Variants in GRIN2A observed in about 807,000 individuals in gnomAD.
GRIN2A encodes the protein glutamate ionotropic receptor NMDA type subunit 2A, also known as glutamate receptor ionotropic, NMDA 2A.
In GRIN2A, 22 loss-of-function variants were observed where a neutral mutation model predicts 113.4. The observed-to-expected ratio is 0.19, with a 90% CI of 0.14 to 0.28. GRIN2A has a LOEUF of 0.28. Among genes scored for constraint, GRIN2A ranks in the 10% least tolerant of loss-of-function variants. GRIN2A has a pLI of 1.00. For synonymous variants in GRIN2A, 827 were observed against 738.4 expected, an observed-to-expected ratio of 1.12 and a Z score of -1.94; for missense variants, 1,502 against 1,887.0, an observed-to-expected ratio of 0.80 and a Z score of 3.78.
chr16:9,959,090 C>A (rs2045372619), intron 2 of GRIN2A, among the ~76,000 whole-genome samples: 1 of 152,102 alleles, frequency 6.6e-6, no homozygotes, highest in African/African-American at 2.4e-5. Flanking sequence ...AGCCATGCTA[C>A]CCCAGAATAC....
chr16:10,163,741 G>A (rs1419304537), intron 2 of GRIN2A, among the ~76,000 whole-genome samples: 1 of 152,112 alleles, frequency 6.6e-6, no homozygotes, highest in East Asian at 1.9e-4. Flanking sequence ...TGATAATGCT[G>A]TAGTGGTTAA....
chr16:9,980,222 G>A (rs184876346), intron 2 of GRIN2A, among the ~76,000 whole-genome samples: 33 of 150,372 alleles, frequency 2.2e-4, no homozygotes, highest in Admixed American at 7.3e-4. Context: ...GCAGTGAGCC[G>A]AGATCACACG....
chr16:9,817,405 A>C (rs1447146232), intron 10 of GRIN2A, among the ~76,000 whole-genome samples: 4 of 152,158 alleles, frequency 2.6e-5, no homozygotes, highest in African/African-American at 9.7e-5. Flanking sequence ...TTGACAGGTA[A>C]TCATGTGATT....
At chr16:10,020,907 T>C (rs1413042238) in intron 2 of GRIN2A, among the ~76,000 whole-genome samples, 1 of 152,232 alleles carries the variant, frequency 6.6e-6, no homozygotes, top group Non-Finnish European at 1.5e-5. Context: ...ACAACTGAGA[T>C]GCTGTACGTC....
chr16:10,040,557 T>C (rs1489958941), intron 2 of GRIN2A, among the ~76,000 whole-genome samples: 1 of 137,902 alleles, frequency 7.3e-6, no homozygotes, highest in Non-Finnish European at 1.5e-5. Flanking sequence ...ACAGCAGACA[T>C]ACAAACCCAC....
intron 2 of GRIN2A, among the ~76,000 whole-genome samples, chr16:10,157,172 G>C (rs983068777): frequency 6.6e-6 from 1 of 152,178 alleles, no homozygotes; most frequent in Non-Finnish European, 1.5e-5. Context: ...AAGGTGATAA[G>C]GACCAGGTGC....
intron 2 of GRIN2A, among the ~76,000 whole-genome samples, chr16:10,014,922 A>T (rs915922602): frequency 3.9e-5 from 6 of 152,196 alleles, no homozygotes; most frequent in Non-Finnish European, 8.8e-5. Context: ...TGAATAGAAA[A>T]GCAGGAGGAC....
chr16:9,815,720 A>G (rs567884272), intron 10 of GRIN2A, among the ~76,000 whole-genome samples: 1 of 152,338 alleles, frequency 6.6e-6, no homozygotes, highest in Non-Finnish European at 1.5e-5. Flanking sequence ...GTTGTTTCTC[A>G]ATAACTAAAA....
At chr16:10,124,568 T>C (rs1359080539) in intron 2 of GRIN2A, among the ~76,000 whole-genome samples, 1 of 152,150 alleles carries the variant, frequency 6.6e-6, no homozygotes, top group East Asian at 1.9e-4. Flanking sequence ...ACAGGGGCAC[T>C]GAAATTATGG....
Position 9,998,951 on chromosome 16 carries a change from G to A in GRIN2A, c.415-60400C>T, listed in dbSNP as rs183509324. Among the ~76,000 whole-genome samples, 302 of 152,282 alleles carry A rather than the reference G, an allele frequency of 2.0e-3. 1 individual carries two copies. The highest frequency in any genetic ancestry group is 7.0e-3 in the African/African-American group (290 of 41,560). Reference sequence around the variant, plus strand: ...CATCCTAGGGGTGCGGGTAGGGGGTGTGGAATATACAAAGAATCCTTATTT... The same window carrying A: ...CATCCTAGGGGTGCGGGTAGGGGGTATGGAATATACAAAGAATCCTTATTT... On this transcript the variant is annotated intron_variant, in intron 2 of 12. Transcript: ENST00000330684.
At chr16:10,119,497 A>C (rs1035373635) in intron 2 of GRIN2A, among the ~76,000 whole-genome samples, 1 of 151,348 alleles carries the variant, frequency 6.6e-6, no homozygotes, top group Non-Finnish European at 1.5e-5. Flanking sequence ...AGATTCAAAC[A>C]AACAAAAGCT....
chr16:9,769,409 A>G (rs1880535678), intron 11 of GRIN2A, among the ~76,000 whole-genome samples: 1 of 146,588 alleles, frequency 6.8e-6, no homozygotes, highest in South Asian at 2.1e-4. Context: ...TATAATATAT[A>G]TAACTTAGCA....
At chr16:9,934,056 A>C (rs1044068887) in intron 3 of GRIN2A, among the ~76,000 whole-genome samples, 1 of 152,230 alleles carries the variant, frequency 6.6e-6, no homozygotes, top group Non-Finnish European at 1.5e-5. Context: ...TGGGACAGGG[A>C]AACAGATAGA....
In GRIN2A at chr16:9,764,610, A is replaced by G; in HGVS notation, c.2934T>C (p.Tyr978=). The G allele has an allele frequency of 6.2e-7, 1 of 1,614,146 alleles. No homozygotes were observed. Among genetic ancestry groups the G allele is most frequent in the African/African-American group, 1.3e-5 (1 of 75,052 alleles). ...ANRQKDNLNN[Y]VFQGQHPLTL... Reference sequence around the variant, plus strand: ...TAAGAGGATGTTGTCCCTGGAATACATAGTTATTGAGGTTATCCTTCTGCC... The same window carrying G: ...TAAGAGGATGTTGTCCCTGGAATACGTAGTTATTGAGGTTATCCTTCTGCC... The change falls in exon 13 of 13, where the codon TAT becomes TAC. Residue 978 remains tyrosine, a synonymous_variant. Transcript: ENST00000330684.
intron 2 of GRIN2A, among the ~76,000 whole-genome samples, chr16:10,173,812 C>T (rs532520853): frequency 6.6e-6 from 1 of 152,100 alleles, no homozygotes; most frequent in East Asian, 1.9e-4. Context: ...AAGGAAAATT[C>T]CAAGAATACA....
rs77029288 is a variant in GRIN2A, at chr16:9,763,237, T to C, written c.4307A>G (p.Asn1436Ser). The stretch of plus-strand genomic sequence containing the variant: ...AACCCTGGGGGTAGAGTACATATTA[T>C]TCTTATTTGCAGCATAAGGCATAAC... ...EHVMPYAANK[N>S]NMYSTPRVLN... Residue 1436 changes from asparagine (N) to serine (S), a missense_variant, in exon 13 of 13, where the codon AAT becomes AGT. Asn to Ser is a conservative substitution (Grantham distance 46). Transcript: ENST00000330684. The C allele has an allele frequency of 1.0e-3, 1,663 of 1,613,986 alleles. 1 individual carries two copies. The highest frequency in any genetic ancestry group is 1.3e-3 in the Non-Finnish European group (1,530 of 1,179,966).
chr16:10,072,530 G>A (rs2047775358), intron 2 of GRIN2A, among the ~76,000 whole-genome samples: 1 of 152,154 alleles, frequency 6.6e-6, no homozygotes, highest in Non-Finnish European at 1.5e-5. Context: ...AGGATGGAGG[G>A]AAGTTGTAAA....
Position 9,833,231 on chromosome 16 carries a change from C to T in GRIN2A, c.1777+874G>A, listed in dbSNP as rs763679323. 2.0e-5 allele frequency among the ~76,000 whole-genome samples: 3 copies of T among 152,300 alleles called. No individual in the cohort carries two copies. The South Asian group carries it at 6.2e-4, about 32-fold the overall frequency. ...TAACGAATGCCTCCCAATTTTATTT[C>T]CTATCTACTGATTGTCCCTTTATCA... On this transcript the variant is annotated intron_variant, in intron 8 of 12. Coordinates refer to ENST00000330684, the MANE Select transcript of GRIN2A (RefSeq NM_001134407.3).
chr16:10,111,747 C>T (rs2048618862), intron 2 of GRIN2A: 2 of 1,516,542 alleles, frequency 1.3e-6, no homozygotes, highest in Non-Finnish European at 1.8e-6. Flanking sequence ...TGGTGCTGAG[C>T]CCCTCACACA....
Sources: gnomAD v4.1 joint callset for allele counts (sites outside exome capture counted in the v4.1 genomes callset) on GRCh38, gnomAD v4.1.1 for gene constraint, MANE v1.5 for transcripts, NCBI Gene and HGNC (gene_info 2026-07-23, HGNC 2026-07-21) for gene names.